The following RAB8A variants were observed in gnomAD, a reference collection of about 807,000 sequenced individuals.
RAB8A encodes RAB8A, member RAS oncogene family.
RAB8A carries 5 observed loss-of-function variants against 29.2 expected under a neutral mutation model. The ratio of observed to expected loss-of-function variants is 0.17; its 90% confidence interval spans 0.09 to 0.36. RAB8A has a LOEUF of 0.36. Ranked by LOEUF, RAB8A falls within the 10% of genes least tolerant of loss-of-function variation. RAB8A has a pLI of 1.00. For missense variants in RAB8A, 171 were observed against 272.2 expected (o/e 0.63, Z 2.62); for synonymous variants, 108 against 99.9 (o/e 1.08, Z -0.49).
rs573747910 is a variant in RAB8A, at chr19:16,128,552, A to G, written c.480+461A>G. On this transcript the variant is annotated intron_variant, in intron 6 of 7. Transcript: ENST00000300935. ...CCCCAGCCCTGCGGCCGATCCTGTG[A>G]TGTTTCCCCATCCTAGTCATGTTTC... 8.5e-5 allele frequency among the ~76,000 whole-genome samples: 13 copies of G among 152,110 alleles called. No individual in the cohort carries two copies. The South Asian group carries it at 2.1e-3, about 24-fold the overall frequency.
At chr19:16,116,734 C>T (rs892581936) in intron 1 of RAB8A, among the ~76,000 whole-genome samples, 1 of 152,104 alleles carries the variant, frequency 6.6e-6, no homozygotes, top group African/African-American at 2.4e-5. Flanking sequence ...ACTTGGGAGG[C>T]TGTGGCAGGA....
chr19:16,127,413 C>G lies in RAB8A; in HGVS notation c.325-24C>G, dbSNP rs771899757. 3 of 1,434,010 alleles carry G rather than the reference C, an allele frequency of 2.1e-6. No homozygotes were observed. Among genetic ancestry groups the G allele is most frequent in the Non-Finnish European group, 2.8e-6 (3 of 1,082,334 alleles). The allele number at this position is 1,434,010 out of a possible 1,614,324, so 88.8% of individuals were successfully genotyped here. ...TGGCCTGTGTCATCCGGTCTGATCCCCCGTCTGTCCCCCTCCCTCTCAGCA... is the reference window on the plus strand; with the variant it reads ...TGGCCTGTGTCATCCGGTCTGATCCGCCGTCTGTCCCCCTCCCTCTCAGCA... On this transcript the variant is annotated intron_variant, in intron 4 of 7. Coordinates refer to ENST00000300935, the MANE Select transcript of RAB8A (RefSeq NM_005370.5). This position sits in a 1 kb window ranked among gnomAD's most constrained non-coding sequence, Gnocchi z 4.8.
intron 1 of RAB8A, among the ~76,000 whole-genome samples, chr19:16,113,741 A>T (rs1037058849): frequency 6.6e-6 from 1 of 152,222 alleles, no homozygotes; most frequent in Admixed American, 6.5e-5. Flanking sequence ...GATGTAAAAT[A>T]GAGAGAATTG....
intron 7 of RAB8A, among the ~76,000 whole-genome samples, chr19:16,131,003 T>C (rs544570248): frequency 1.4e-4 from 21 of 152,278 alleles, no homozygotes; most frequent in African/African-American, 5.1e-4. Context: ...TTTGTATTTT[T>C]AGTAGAGACG....
At chr19:16,114,706 T>C (rs1447592696) in intron 1 of RAB8A, among the ~76,000 whole-genome samples, 1 of 151,466 alleles carries the variant, frequency 6.6e-6, no homozygotes, top group African/African-American at 2.4e-5. Flanking sequence ...CTCTTTAGAG[T>C]TACTTTGAGC....
chr19:16,130,394 T>C (rs1291456729), intron 7 of RAB8A, among the ~76,000 whole-genome samples: 1 of 152,212 alleles, frequency 6.6e-6, no homozygotes, highest in East Asian at 1.9e-4. Flanking sequence ...CACTTGAGAA[T>C]GCACATAAAA....
rs1462570529 is a variant in RAB8A, at chr19:16,125,876, G to A, written c.324+329G>A. 1 of 443,544 alleles carries A rather than the reference G, an allele frequency of 2.3e-6. No individual in the cohort carries two copies. Among genetic ancestry groups the A allele is most frequent in the African/African-American group, 2.0e-5 (1 of 50,216 alleles). The allele number at this position is 443,544 out of a possible 1,614,324, so 27.5% of individuals were successfully genotyped here. On this transcript the variant is annotated intron_variant, in intron 4 of 7. Coordinates refer to ENST00000300935, the MANE Select transcript of RAB8A (RefSeq NM_005370.5). This position sits in a 1 kb window ranked among gnomAD's most constrained non-coding sequence, Gnocchi z 5.0. Reference sequence around the variant, plus strand: ...TGCTTTCTAGAGAAGGAAGGGTCTAGCACAGGTGTGACCCTTGTAGTTGGA... The same window carrying A: ...TGCTTTCTAGAGAAGGAAGGGTCTAACACAGGTGTGACCCTTGTAGTTGGA...
intron 1 of RAB8A, among the ~76,000 whole-genome samples, chr19:16,115,211 C>A (rs1024496855): frequency 1.3e-5 from 2 of 152,106 alleles, no homozygotes; most frequent in African/African-American, 4.8e-5. Flanking sequence ...TCGCTTGAAT[C>A]CAGGAGGCAG....
intron 6 of RAB8A, 109 bp from the exon 7 acceptor site, chr19:16,129,445 A>G: frequency 6.4e-6 from 7 of 1,089,214 alleles, no homozygotes; most frequent in Non-Finnish European, 8.4e-6. Flanking sequence ...CAAAGGGCCA[A>G]ATGGGAGGCC....
At position 16,111,898 on chromosome 19, in the gene RAB8A, T is replaced by A; in HGVS notation, c.-4T>A. ...CGCACTTCCCGTCGGGGAGAGAGTG[T>A]AATATGGCGAAGACCTACGATTACC... On this transcript the variant is annotated 5_prime_UTR_variant, in exon 1 of 8. Transcript: ENST00000300935. The A allele has an allele frequency of 1.2e-6, 2 of 1,613,814 alleles. No homozygotes were observed. Among genetic ancestry groups the A allele is most frequent in the Non-Finnish European group, 1.7e-6 (2 of 1,179,844 alleles).
rs1386145089 is a variant in RAB8A, at chr19:16,112,028, A to G, written c.124+3A>G. 1 of 1,613,682 alleles carries G rather than the reference A, an allele frequency of 6.2e-7. No individual in the cohort carries two copies. Among genetic ancestry groups the G allele is most frequent in the East Asian group, 2.2e-5 (1 of 44,870 alleles). On this transcript the variant is annotated splice_donor_region_variant and intron_variant, in intron 1 of 7. Transcript: ENST00000300935. ...CTCCACTTTTATCTCCACCATAGGT[A>G]ACGGGACCGGGGAATGGCTGGGGGC...
rs1481210279 is a variant in RAB8A at position 16,125,427 on chromosome 19, G to A, written c.247-43G>A. The stretch of plus-strand genomic sequence containing the variant: ...GTGCCGCTGAGGCCTCCCTTCCAGA[G>A]CCTGCAGCCGATCAGGCACCTGTGT... On this transcript the variant is annotated intron_variant, in intron 3 of 7. Coordinates refer to ENST00000300935, the MANE Select transcript of RAB8A (RefSeq NM_005370.5). The surrounding 1 kb of genome is among the most constrained non-coding windows in gnomAD (Gnocchi z 5.0). 2 of 1,567,822 alleles carry A rather than the reference G, an allele frequency of 1.3e-6. No homozygotes were observed. Among genetic ancestry groups the A allele is most frequent in the Non-Finnish European group, 1.8e-6 (2 of 1,140,248 alleles).
chr19:16,121,911 G>A (rs1270592608), intron 3 of RAB8A, 101 bp downstream of exon 3: 16 of 1,176,218 alleles, frequency 1.4e-5, no homozygotes, highest in Admixed American at 3.7e-5. Flanking sequence ...TGTGGAGCCC[G>A]TGCCCCAACT....
In RAB8A at chr19:16,122,390, A is replaced by G. The variant is rs1000733501; in HGVS notation, c.246+580A>G. ...GTCAGGGGCCCTGTGTGTACATGGC[A>G]GGGCATTCAGGGGTAGAGGGAGCAG... is the stretch of plus-strand genomic sequence containing the variant. On this transcript the variant is annotated intron_variant, in intron 3 of 7. Coordinates refer to ENST00000300935, the MANE Select transcript of RAB8A (RefSeq NM_005370.5). This position sits in a 1 kb window ranked among gnomAD's most constrained non-coding sequence, Gnocchi z 4.7. 6.6e-6 allele frequency among the ~76,000 whole-genome samples: 1 copy of G among 152,170 alleles called. No homozygotes were observed. Among genetic ancestry groups the G allele is most frequent in the African/African-American group, 2.4e-5 (1 of 41,444 alleles).
intron 6 of RAB8A, among the ~76,000 whole-genome samples, chr19:16,128,808 T>G (rs943508730): frequency 6.6e-6 from 1 of 152,180 alleles, no homozygotes; most frequent in Non-Finnish European, 1.5e-5. Flanking sequence ...GGTTCCCTTT[T>G]CTAGTCAGGG....
chr19:16,128,288 C>T (rs898697463), intron 6 of RAB8A, among the ~76,000 whole-genome samples, 197 bp downstream of exon 6: 3 of 152,192 alleles, frequency 2.0e-5, no homozygotes, highest in Non-Finnish European at 4.4e-5. Context: ...AATGTGCCAT[C>T]AGCAGGGACA....
chr19:16,114,397 G>A (rs76886861), intron 1 of RAB8A, among the ~76,000 whole-genome samples: 1 of 42,322 alleles, frequency 2.4e-5, no homozygotes, highest in Non-Finnish European at 4.8e-5. Context: ...TTTTTTTTTT[G>A]AGACAGTCTC....
chr19:16,123,555 C>G (rs947572587), intron 3 of RAB8A: 1 of 152,106 alleles, frequency 6.6e-6, no homozygotes, highest in Non-Finnish European at 1.5e-5. Flanking sequence ...TGCGGTGAGC[C>G]GAGGTTGCAC....
chr19:16,123,420 C>A (rs2090883467), intron 3 of RAB8A, among the ~76,000 whole-genome samples: 2 of 152,064 alleles, frequency 1.3e-5, no homozygotes, highest in Admixed American at 1.3e-4. Context: ...CCAGCCTGGC[C>A]ACATGGTAAA....
Sources: gnomAD v4.1 joint callset for allele counts (sites outside exome capture counted in the v4.1 genomes callset) on GRCh38, gnomAD v4.1.1 for gene constraint, Gnocchi (gnomAD v3.1) non-coding constraint, MANE v1.5 for transcripts, NCBI Gene and HGNC (gene_info 2026-07-23, HGNC 2026-07-21) for gene names.